The following ZNF138 variants were observed in gnomAD, a reference collection of about 807,000 sequenced individuals.
ZNF138 encodes the protein zinc finger protein 138, also known as zinc finger protein 138 (clone pHZ-32).
In ZNF138, 33 loss-of-function variants were observed where a neutral mutation model predicts 33.0. That is an observed-to-expected ratio of 1.00 (90% CI 0.76 to 1.34). The LOEUF is 1.34. Ranked by LOEUF, ZNF138 falls within the 40% of genes most tolerant of loss-of-function variation. The pLI, the probability that ZNF138 is intolerant of heterozygous loss-of-function variation, is 0.00. For synonymous variants in ZNF138, 139 were observed against 120.4 expected, an observed-to-expected ratio of 1.15 and a Z score of -1.01; for missense variants, 360 against 370.8, an observed-to-expected ratio of 0.97 and a Z score of 0.24.
At chr7:64,813,538 A>G (rs1788355808) in intron 1 of ZNF138, among the ~76,000 whole-genome samples, 1 of 150,678 alleles carries the variant, frequency 6.6e-6, no homozygotes, top group South Asian at 2.1e-4. Flanking sequence ...GGTTGACGCC[A>G]TTCTCCTGCC....
chr7:64,828,182 G>GTTT lies in ZNF138; in HGVS notation c.209-3262_209-3260dup, dbSNP rs76909260. ...TAATTTAAAAACTATCATAATTCTG[G>GTTT]TTTTTTTTTAGGTATTGTTTATTTT... On this transcript the variant is annotated intron_variant, in intron 3 of 3. Transcript: ENST00000307355. 4.0e-4 allele frequency among the ~76,000 whole-genome samples: 60 copies of GTTT among 151,008 alleles called. 1 individual carries two copies. The highest frequency in any genetic ancestry group is 2.7e-3 in the South Asian group (13 of 4,796).
At chr7:64,847,333 T>TA in the ZNF138 span, among the ~76,000 whole-genome samples, 24,446 of 88,916 alleles carry the variant, frequency 0.27, 2,258 homozygotes, top group African/African-American at 0.39. Flanking sequence ...TATATATATA[T>TA]TTTTTTTTTT....
intron 1 of ZNF138, among the ~76,000 whole-genome samples, chr7:64,804,853 G>A (rs531264790): frequency 6.6e-6 from 1 of 152,202 alleles, no homozygotes; most frequent in African/African-American, 2.4e-5. Context: ...GCTAGGAGAT[G>A]AGAGCGGCAG....
chr7:64,847,332 A>ATT, the ZNF138 span, among the ~76,000 whole-genome samples: 67 of 128,128 alleles, frequency 5.2e-4, no homozygotes, highest in Admixed American at 2.2e-3. Flanking sequence ...ATATATATAT[A>ATT]TTTTTTTTTT....
At chr7:64,815,703 A>G in intron 3 of ZNF138, 50 bp downstream of exon 3, 1 of 1,512,902 alleles carries the variant, frequency 6.6e-7, no homozygotes, top group Non-Finnish European at 9.1e-7. Context: ...TCAAAGGCCA[A>G]GGAGAAGACC....
In ZNF138 at chr7:64,817,586, T is replaced by C. The variant is rs181172737; in HGVS notation, c.208+1933T>C. 3.7e-3 allele frequency among the ~76,000 whole-genome samples: 569 copies of C among 152,246 alleles called. 2 individuals carry two copies. Among genetic ancestry groups the C allele is most frequent in the Non-Finnish European group, 3.5e-3 (235 of 68,022 alleles). On this transcript the variant is annotated intron_variant, in intron 3 of 3. Coordinates refer to ENST00000307355, the MANE Select transcript of ZNF138 (RefSeq NM_001271639.2). ...TTGAAATCCTGGCCCGAAGCAATTC[T>C]CCAATGTGAATGTACCATGTAGCTG...
chr7:64,853,405 G>A, the ZNF138 span: 69 of 1,062,152 alleles, frequency 6.5e-5, no homozygotes, highest in African/African-American at 1.9e-4. Flanking sequence ...TTCCCTCTGC[G>A]AGTTGGCTGG....
At chr7:64,854,049 A>T in the ZNF138 span, among the ~76,000 whole-genome samples, 2 of 151,270 alleles carry the variant, frequency 1.3e-5, no homozygotes, top group Non-Finnish European at 3.0e-5. Flanking sequence ...AAAAAAAAAT[A>T]ATTATTTTCA....
At chr7:64,834,131 T>G (rs1355868124), downstream of ZNF138, among the ~76,000 whole-genome samples, 1 of 140,462 alleles carries the variant, frequency 7.1e-6, no homozygotes, top group Admixed American at 7.6e-5. Flanking sequence ...GATCTTATTG[T>G]ACACATTTTG....
At chr7:64,813,573 A>C (rs1788358369) in intron 1 of ZNF138, among the ~76,000 whole-genome samples, 1 of 151,838 alleles carries the variant, frequency 6.6e-6, no homozygotes, top group African/African-American at 2.4e-5. Context: ...AGCTGGGACT[A>C]CAGGTGCCCG....
intron 1 of ZNF138, among the ~76,000 whole-genome samples, chr7:64,798,164 C>T (rs1786844949): frequency 6.6e-6 from 1 of 152,168 alleles, no homozygotes; most frequent in African/African-American, 2.4e-5. Flanking sequence ...TGGTCTCAAA[C>T]TCCTGACCTC....
At chr7:64,834,704 C>T (rs1238565565), downstream of ZNF138, among the ~76,000 whole-genome samples, 2 of 152,000 alleles carry the variant, frequency 1.3e-5, no homozygotes, top group African/African-American at 2.4e-5. Flanking sequence ...AAAGACATTA[C>T]AATGTAGGAT....
chr7:64,831,703 C>G lies in ZNF138; in HGVS notation c.461C>G (p.Ser154Ter). 2 of 1,608,168 alleles carry G rather than the reference C, an allele frequency of 1.2e-6. No individual in the cohort carries two copies. The highest frequency in any genetic ancestry group is 2.2e-5 in the East Asian group (1 of 44,796). ...AAAGTCATGCATAAATTTTCAAATT[C>G]AAATAGACACAAGATAAGACATACT... is the stretch of plus-strand genomic sequence containing the variant. ...YVKVMHKFSN[S>*]NRHKIRHTEN... is the part of the protein sequence containing the mutation. The change falls in exon 4 of 4, where the codon TCA becomes TGA. Residue 154 changes from serine to a stop codon, truncating the protein, a stop_gained. Transcript: ENST00000307355. LOFTEE classifies it high-confidence loss of function.
chr7:64,808,999 C>A (rs1159728461), intron 1 of ZNF138, among the ~76,000 whole-genome samples: 1 of 132,782 alleles, frequency 7.5e-6, no homozygotes, highest in African/African-American at 2.7e-5. Context: ...TACACAGACA[C>A]GGCAACCATC....
At chr7:64,834,629 TCAAA>T (rs1790308864), downstream of ZNF138, among the ~76,000 whole-genome samples, 1 of 152,228 alleles carries the variant, frequency 6.6e-6, no homozygotes, top group African/African-American at 2.4e-5. Flanking sequence ...TGTTGCTGCA[TCAAA>T]GGTATGAGAG....
chr7:64,852,853 C>T, the ZNF138 span: 3 of 860,526 alleles, frequency 3.5e-6, no homozygotes, highest in Non-Finnish European at 4.1e-6. Context: ...CCAGGACAAT[C>T]CAGGGGTTTA....
chr7:64,821,377 C>T (rs1338262518), intron 3 of ZNF138, among the ~76,000 whole-genome samples: 2 of 151,274 alleles, frequency 1.3e-5, no homozygotes, highest in South Asian at 2.1e-4. Context: ...GTGTGAGCCA[C>T]GGTGCCCAGC....
At chr7:64,818,411 TAGGAGC>T (rs1788851598) in intron 3 of ZNF138, among the ~76,000 whole-genome samples, 1 of 152,194 alleles carries the variant, frequency 6.6e-6, no homozygotes. Context: ...TTCATTTGTG[TAGGAGC>T]AGCATATATT....
intron 1 of ZNF138, among the ~76,000 whole-genome samples, chr7:64,811,601 C>A (rs1471370093): frequency 6.6e-6 from 1 of 152,196 alleles, no homozygotes; most frequent in Non-Finnish European, 1.5e-5. Context: ...CTGTTTTGGA[C>A]CCCCAAAGTG....
Sources: gnomAD v4.1 joint callset for allele counts (sites outside exome capture counted in the v4.1 genomes callset) on GRCh38, gnomAD v4.1.1 for gene constraint, MANE v1.5 for transcripts, NCBI Gene and HGNC (gene_info 2026-07-23, HGNC 2026-07-21) for gene names.